ZFPM2: variants seen among roughly 807,000 people sequenced by gnomAD.
The protein encoded by ZFPM2 is zinc finger protein ZFPM2.
A neutral mutation model predicts 98.6 loss-of-function variants in ZFPM2; 20 were observed. The ratio of observed to expected loss-of-function variants is 0.20; its 90% CI spans 0.14 to 0.29. The LOEUF (loss-of-function observed/expected upper bound fraction) is 0.29. Ranked by LOEUF, ZFPM2 falls within the 10% of genes least tolerant of loss-of-function variation. The probability of loss-of-function intolerance (pLI) is 1.00; values close to 1 mark genes in which losing one functional copy is unlikely to be tolerated. For missense variants in ZFPM2, 1,310 were observed against 1,388.6 expected, an observed-to-expected ratio of 0.94 and a Z score of 0.90; for synonymous variants, 518 against 502.7, an observed-to-expected ratio of 1.03 and a Z score of -0.41.
chr8:105,392,483 TA>T (rs1160420796), intron 1 of ZFPM2, among the ~76,000 whole-genome samples: 3 of 152,184 alleles, frequency 2.0e-5, no homozygotes, highest in African/African-American at 7.2e-5. Context: ...CATATACTTG[TA>T]AAATGTCACC....
chr8:105,409,669 A>G (rs1477066952), intron 1 of ZFPM2, among the ~76,000 whole-genome samples: 3 of 151,944 alleles, frequency 2.0e-5, no homozygotes, highest in African/African-American at 7.2e-5. Flanking sequence ...TATAATTTAT[A>G]CTATTACAAA....
intron 1 of ZFPM2, among the ~76,000 whole-genome samples, chr8:105,407,771 A>C (rs1419648943): frequency 6.6e-6 from 1 of 151,964 alleles, no homozygotes; most frequent in Non-Finnish European, 1.5e-5. Context: ...TTTCCCCTTC[A>C]ACAGATTTGG....
At chr8:105,556,132 T>C (rs1161362952) in intron 3 of ZFPM2, among the ~76,000 whole-genome samples, 1 of 152,030 alleles carries the variant, frequency 6.6e-6, no homozygotes, top group Non-Finnish European at 1.5e-5. Flanking sequence ...CTGGCAGAGA[T>C]TTGAAACCTG....
intron 5 of ZFPM2, among the ~76,000 whole-genome samples, chr8:105,703,170 T>C (rs1449788782): frequency 6.6e-6 from 1 of 152,114 alleles, no homozygotes; most frequent in Admixed American, 6.6e-5. Flanking sequence ...AATGTGTCCA[T>C]TTCAGATCAG....
At chr8:105,575,001 G>A (rs1815434175) in intron 4 of ZFPM2, among the ~76,000 whole-genome samples, 1 of 151,824 alleles carries the variant, frequency 6.6e-6, no homozygotes, top group African/African-American at 2.4e-5. Flanking sequence ...AAGAAAATTT[G>A]TCCTTTATCT....
intron 4 of ZFPM2, among the ~76,000 whole-genome samples, chr8:105,589,219 CAG>C (rs1281770541): frequency 1.3e-5 from 2 of 152,264 alleles, no homozygotes; most frequent in East Asian, 3.9e-4. Flanking sequence ...AAAGTTATGA[CAG>C]ACTGTCATTT....
At chr8:105,729,811 G>A (rs1379074040) in intron 5 of ZFPM2, among the ~76,000 whole-genome samples, 2 of 151,402 alleles carry the variant, frequency 1.3e-5, no homozygotes, top group East Asian at 1.9e-4. Flanking sequence ...GTTTCTTCAA[G>A]TGAATTTGTT....
At chr8:105,721,360 T>C (rs1376312279) in intron 5 of ZFPM2, among the ~76,000 whole-genome samples, 1 of 151,994 alleles carries the variant, frequency 6.6e-6, no homozygotes, top group Non-Finnish European at 1.5e-5. Context: ...CAGCACATGA[T>C]GCAAATTTGG....
chr8:105,473,814 G>A (rs552677738), intron 3 of ZFPM2, among the ~76,000 whole-genome samples: 5 of 152,164 alleles, frequency 3.3e-5, no homozygotes, highest in Non-Finnish European at 5.9e-5. Context: ...GTTAATATGT[G>A]AGTGTGTATA....
At chr8:105,762,587 T>A (rs1434705752) in intron 5 of ZFPM2, among the ~76,000 whole-genome samples, 1 of 152,042 alleles carries the variant, frequency 6.6e-6, no homozygotes, top group African/African-American at 2.4e-5. Context: ...AGTATGTGCA[T>A]CAAGTTTGAC....
chr8:105,625,233 A>AGGTAT (rs1427961265), intron 4 of ZFPM2, among the ~76,000 whole-genome samples: 1 of 152,146 alleles, frequency 6.6e-6, no homozygotes, highest in Non-Finnish European at 1.5e-5. Flanking sequence ...TTTCAAAAGT[A>AGGTAT]GGTATAGCAT....
chr8:105,485,020 C>T (rs1457244379), intron 3 of ZFPM2, among the ~76,000 whole-genome samples: 1 of 152,168 alleles, frequency 6.6e-6, no homozygotes, highest in African/African-American at 2.4e-5. Flanking sequence ...TCAGGAAGAA[C>T]ATGTGTAATT....
chr8:105,707,404 G>A (rs1392248292), intron 5 of ZFPM2, among the ~76,000 whole-genome samples: 2 of 152,096 alleles, frequency 1.3e-5, no homozygotes, highest in African/African-American at 2.4e-5. Context: ...ATTAGTGTGG[G>A]ATGACAAGCA....
chr8:105,756,333 A>C (rs1812597030), intron 5 of ZFPM2, among the ~76,000 whole-genome samples: 2 of 152,214 alleles, frequency 1.3e-5, no homozygotes, highest in South Asian at 2.1e-4. Flanking sequence ...ACCAGGCGAA[A>C]TGTAGGTGGC....
chr8:105,391,381 A>G (rs1811104946), intron 1 of ZFPM2, among the ~76,000 whole-genome samples: 1 of 152,210 alleles, frequency 6.6e-6, no homozygotes, highest in Non-Finnish European at 1.5e-5. Flanking sequence ...CTGAGTGATC[A>G]GGGTGGTGGC....
intron 4 of ZFPM2, among the ~76,000 whole-genome samples, chr8:105,597,124 T>C (rs1452981263): frequency 1.3e-5 from 2 of 152,054 alleles, no homozygotes; most frequent in African/African-American, 4.8e-5. Context: ...AAAAAATGCA[T>C]TATTAATAGA....
At chr8:105,779,276 A>C (rs1250251754) in intron 5 of ZFPM2, among the ~76,000 whole-genome samples, 1 of 152,148 alleles carries the variant, frequency 6.6e-6, no homozygotes. Context: ...TAATTGGTTC[A>C]ATTTGCTATA....
At chr8:105,497,100 C>T (rs988969833) in intron 3 of ZFPM2, among the ~76,000 whole-genome samples, 11 of 152,064 alleles carry the variant, frequency 7.2e-5, no homozygotes, top group Admixed American at 7.2e-4. Context: ...ATTCTCCTGC[C>T]TCAGCCTCCC....
intron 3 of ZFPM2, among the ~76,000 whole-genome samples, chr8:105,474,261 G>T (rs1185827265): frequency 6.6e-6 from 1 of 152,164 alleles, no homozygotes; most frequent in Non-Finnish European, 1.5e-5. Flanking sequence ...TGTATTATGA[G>T]TCACTTTGTT....
Sources: allele counts gnomAD v4.1 joint callset (sites outside exome capture counted in the v4.1 genomes callset), GRCh38; gene constraint gnomAD v4.1.1; transcripts MANE v1.5; gene names NCBI Gene and HGNC (gene_info 2026-07-23, HGNC 2026-07-21).